Variants in WDPCP observed in about 807,000 individuals in gnomAD.
WDPCP encodes the protein WD repeat containing planar cell polarity effector, also known as WD repeat-containing and planar cell polarity effector protein fritz homolog.
WDPCP carries 71 observed loss-of-function variants against 93.1 expected under a neutral mutation model. That is an observed-to-expected ratio of 0.76 (90% CI 0.63 to 0.93). The LOEUF (loss-of-function observed/expected upper bound fraction) is 0.93, where lower values mean the gene tolerates loss of function less well. Ranked by LOEUF, WDPCP falls within the 40% of genes least tolerant of loss-of-function variation. The probability of loss-of-function intolerance (pLI) is 0.00; values close to 1 mark genes in which losing one functional copy is unlikely to be tolerated. For synonymous variants in WDPCP, 315 were observed against 315.0 expected (o/e 1.00, Z 0.00); for missense variants, 844 against 887.4 (o/e 0.95, Z 0.62).
intron 6 of WDPCP, among the ~76,000 whole-genome samples, chr2:63,458,617 C>A (rs77342640): frequency 0.015 from 2,353 of 152,184 alleles, 59 homozygotes; most frequent in African/African-American, 0.054. Context: ...AAAGAAAATA[C>A]CATGCTCATG....
chr2:63,271,746 C>A (rs1429184622), intron 13 of WDPCP, among the ~76,000 whole-genome samples: 1 of 152,186 alleles, frequency 6.6e-6, no homozygotes, highest in Non-Finnish European at 1.5e-5. Context: ...ACCCATCCCA[C>A]CCACCAACAC....
rs1694717749 is a variant in WDPCP at position 63,407,941 on chromosome 2, C to T, written c.826-3284G>A. Among the ~76,000 whole-genome samples, 6 of 152,196 alleles carry T rather than the reference C, an allele frequency of 3.9e-5. 1 individual carries two copies. In the South Asian group the frequency reaches 1.2e-3, roughly 31 times the overall value. On this transcript the variant is annotated intron_variant, in intron 9 of 17. Transcript: ENST00000272321. ...GGCAGCCTAAAAGAAGGGGCCCAAACAGATGGCAGTCTTGGACTTGAACAA... is the reference window on the plus strand; with the variant it reads ...GGCAGCCTAAAAGAAGGGGCCCAAATAGATGGCAGTCTTGGACTTGAACAA...
At chr2:63,460,924 C>A (rs1169570677) in intron 6 of WDPCP, among the ~76,000 whole-genome samples, 1 of 152,116 alleles carries the variant, frequency 6.6e-6, no homozygotes, top group Non-Finnish European at 1.5e-5. Flanking sequence ...CTGCGCCCAG[C>A]CACTAAGTCT....
intron 2 of WDPCP, among the ~76,000 whole-genome samples, chr2:63,674,176 C>T (rs185742042): frequency 3.3e-5 from 5 of 152,156 alleles, no homozygotes; most frequent in South Asian, 2.1e-4. Flanking sequence ...AAGAACAATG[C>T]GATTGATTTT....
chr2:63,386,820 C>G (rs559518779), intron 10 of WDPCP, among the ~76,000 whole-genome samples: 2 of 151,780 alleles, frequency 1.3e-5, no homozygotes, highest in East Asian at 3.9e-4. Flanking sequence ...AACTGTGGCA[C>G]AGAAATACAA....
At chr2:63,684,329 G>T in intron 2 of WDPCP, 1 of 645,446 alleles carries the variant, frequency 1.5e-6, no homozygotes, top group Non-Finnish European at 2.9e-6. Flanking sequence ...TGAAACCTGG[G>T]AAGGTGTCGC....
chr2:63,389,910 C>T (rs1693076924), intron 10 of WDPCP, among the ~76,000 whole-genome samples: 1 of 152,084 alleles, frequency 6.6e-6, no homozygotes, highest in Non-Finnish European at 1.5e-5. Flanking sequence ...TCCTTAGAGA[C>T]CTACAAAGAG....
chr2:63,261,232 A>G (rs1052670032), intron 13 of WDPCP, among the ~76,000 whole-genome samples: 14 of 149,754 alleles, frequency 9.3e-5, no homozygotes, highest in African/African-American at 3.2e-4. Flanking sequence ...ATTTTCAGCA[A>G]TATATTTTCT....
intron 13 of WDPCP, among the ~76,000 whole-genome samples, chr2:63,285,171 C>T (rs906321529): frequency 6.6e-6 from 1 of 152,152 alleles, no homozygotes; most frequent in Admixed American, 6.5e-5. Context: ...TGGCTCATGC[C>T]TATAATCCCA....
chr2:63,570,473 A>C (rs940182923), intron 1 of WDPCP, among the ~76,000 whole-genome samples: 6 of 152,184 alleles, frequency 3.9e-5, no homozygotes, highest in African/African-American at 1.2e-4. Flanking sequence ...TTCCAGTCAA[A>C]CATATTAAAA....
intron 6 of WDPCP, among the ~76,000 whole-genome samples, chr2:63,466,201 G>T (rs1270173331): frequency 1.3e-5 from 2 of 152,018 alleles, no homozygotes; most frequent in Non-Finnish European, 1.5e-5. Context: ...GAGCCACTGT[G>T]AACATTTTAT....
rs191036139 is a variant in WDPCP at position 63,553,674 on chromosome 2, A to G, written c.75+34523T>C. Among the ~76,000 whole-genome samples the G allele has an allele frequency of 2.8e-4, 43 of 152,276 alleles. No homozygotes were observed. In the East Asian group the frequency reaches 5.0e-3, roughly 18 times the overall value. On this transcript the variant is annotated intron_variant, in intron 1 of 17. Transcript: ENST00000272321. ...TTTTTCTTGGTAAGTAGAGCATTCA[A>G]TGTGAATTGGGTCATAGGGATATTC...
chr2:63,833,568 G>A, the WDPCP span, among the ~76,000 whole-genome samples: 2 of 152,156 alleles, frequency 1.3e-5, no homozygotes, highest in Non-Finnish European at 2.9e-5. Context: ...TTCTTTTGAA[G>A]AGACTTCAGT....
chr2:63,568,759 G>A (rs751104745), intron 1 of WDPCP, among the ~76,000 whole-genome samples: 2 of 152,230 alleles, frequency 1.3e-5, no homozygotes, highest in Admixed American at 6.5e-5. Flanking sequence ...CTTGTGGAAT[G>A]CTAAGAAAGG....
intron 2 of WDPCP, among the ~76,000 whole-genome samples, chr2:63,698,701 A>T (rs1668997229): frequency 1.3e-5 from 2 of 152,210 alleles, no homozygotes; most frequent in South Asian, 2.1e-4. Context: ...AACACCTGAG[A>T]TGACTTTTAT....
At chr2:63,793,162 G>A (rs1476439022) in intron 2 of WDPCP, among the ~76,000 whole-genome samples, 1 of 151,816 alleles carries the variant, frequency 6.6e-6, no homozygotes, top group Non-Finnish European at 1.5e-5. Flanking sequence ...CCACACCAGA[G>A]TACAGTGTCT....
chr2:63,396,297 T>G (rs1693717383), intron 10 of WDPCP, among the ~76,000 whole-genome samples: 1 of 152,228 alleles, frequency 6.6e-6, no homozygotes, highest in African/African-American at 2.4e-5. Flanking sequence ...GGAAAATTGC[T>G]TTGTACCAAA....
At chr2:63,142,460 G>C (rs1248615313) in intron 17 of WDPCP, among the ~76,000 whole-genome samples, 1 of 152,070 alleles carries the variant, frequency 6.6e-6, no homozygotes, top group Non-Finnish European at 1.5e-5. Flanking sequence ...GTTCCTTTTG[G>C]AGTTGATTTC....
At chr2:63,212,297 A>AG (rs1281376064) in intron 14 of WDPCP, among the ~76,000 whole-genome samples, 1 of 152,206 alleles carries the variant, frequency 6.6e-6, no homozygotes, top group Non-Finnish European at 1.5e-5. Context: ...GCCAGAAGAG[A>AG]GTGGGGGCCA....
Sources: allele counts gnomAD v4.1 joint callset (sites outside exome capture counted in the v4.1 genomes callset), GRCh38; gene constraint gnomAD v4.1.1; transcripts MANE v1.5; gene names NCBI Gene and HGNC (gene_info 2026-07-23, HGNC 2026-07-21).